The following VSTM2A variants were observed in gnomAD, a reference collection of about 807,000 sequenced individuals.
The protein encoded by VSTM2A is V-set and transmembrane domain containing 2A.
A neutral mutation model predicts 27.3 loss-of-function variants in VSTM2A; 13 were observed. That is an observed-to-expected ratio of 0.48 (90% CI 0.31 to 0.76). The LOEUF is 0.76. Among genes scored for constraint, VSTM2A ranks in the 30% least tolerant of loss-of-function variants. VSTM2A has a pLI of 0.05. For synonymous variants in VSTM2A, 142 were observed against 125.7 expected, an observed-to-expected ratio of 1.13 and a Z score of -0.87; for missense variants, 280 against 310.0, an observed-to-expected ratio of 0.90 and a Z score of 0.73.
rs142627051 is a variant in VSTM2A, at chr7:54,548,270, A to G, written c.297+1273A>G. Among the ~76,000 whole-genome samples, 462 of 152,300 alleles carry G rather than the reference A, an allele frequency of 3.0e-3. 4 individuals carry two copies. Among genetic ancestry groups the G allele is most frequent in the African/African-American group, 0.011 (450 of 41,568 alleles). ...AACATGATTACACACACAACTGTTGATAGTATTACCTATGCCAATAATGCA... is the reference window on the plus strand; with the variant it reads ...AACATGATTACACACACAACTGTTGGTAGTATTACCTATGCCAATAATGCA... On this transcript the variant is annotated intron_variant, in intron 3 of 4. Transcript: ENST00000402613.
rs1788877392 is a variant in VSTM2A, at chr7:54,571,038, G to GA, written c.*1824dup. Reference sequence around the variant, plus strand: ...TTGGTTTATCATTTCAGTTTAATGAGAAAAATTAATAAAGGTTTTGATTGC... The same window carrying GA: ...TTGGTTTATCATTTCAGTTTAATGAGAAAAAATTAATAAAGGTTTTGATTGC... On this transcript the variant is annotated 3_prime_UTR_variant, in exon 5 of 5. Coordinates refer to ENST00000402613, the MANE Select transcript of VSTM2A (RefSeq NM_001301009.2). The GA allele has an allele frequency of 1.3e-5, 2 of 152,044 alleles. No homozygotes were observed. The highest frequency in any genetic ancestry group is 2.9e-5 in the Non-Finnish European group (2 of 68,004). The allele number at this position is 152,044 out of a possible 1,614,324, so 9.4% of individuals were successfully genotyped here.
At chr7:54,559,911 A>G (rs1788497632) in intron 4 of VSTM2A, 1 of 152,174 alleles carries the variant, frequency 6.6e-6, no homozygotes, top group Admixed American at 6.5e-5. Context: ...AGAACTTTAA[A>G]TCAGTCTGAG....
At position 54,550,144 on chromosome 7, in the gene VSTM2A, A is replaced by G. The variant is rs1281085628; in HGVS notation, c.608A>G (p.Lys203Arg). Residue 203 changes from lysine (K) to arginine (R), a missense_variant, in exon 4 of 5, where the codon AAA (lysine) becomes AGA (arginine). Physicochemically the swap from Lys to Arg is conservative, Grantham distance 26. Transcript: ENST00000402613. ...ACCTCCAGCCCTCAAGTGGTAGCCA[A>G]AATCCCCAAACAAAGTCCACAATCA... ...HSTSSPQVVA[K>R]IPKQSPQSAK... The G allele has an allele frequency of 1.2e-6, 2 of 1,602,342 alleles. No homozygotes were observed. Among genetic ancestry groups the G allele is most frequent in the South Asian group, 1.1e-5 (1 of 88,698 alleles).
intron 4 of VSTM2A, chr7:54,552,574 T>G (rs1037346199): frequency 4.6e-5 from 7 of 152,190 alleles, no homozygotes; most frequent in African/African-American, 1.7e-4. Context: ...CTTCCATCCC[T>G]CCTAGGAACT....
intron 4 of VSTM2A, chr7:54,558,154 T>C (rs1788433265): frequency 6.6e-6 from 1 of 152,192 alleles, no homozygotes; most frequent in African/African-American, 2.4e-5. Context: ...ATTATACAAA[T>C]TGGTGTTCAT....
chr7:54,543,015 C>T (rs1787835384), intron 1 of VSTM2A, among the ~76,000 whole-genome samples: 1 of 152,008 alleles, frequency 6.6e-6, no homozygotes, highest in Non-Finnish European at 1.5e-5. Flanking sequence ...TAGCTGGTGC[C>T]TGACAATGAG....
intron 1 of VSTM2A, among the ~76,000 whole-genome samples, chr7:54,544,416 A>G (rs1272408801): frequency 2.6e-5 from 4 of 152,336 alleles, no homozygotes; most frequent in African/African-American, 9.6e-5. Context: ...GGATTTGATC[A>G]ACAACATAGT....
chr7:54,542,382 G>C lies in VSTM2A; in HGVS notation c.-349G>C, dbSNP rs902900520. The stretch of plus-strand genomic sequence containing the variant: ...CCCGCTTGCCCACTCCCCACTTCCC[G>C]AGCCGGCTCCGTGTTTAGGGAGGGC... On this transcript the variant is annotated 5_prime_UTR_variant, in exon 1 of 5. Coordinates refer to ENST00000402613, the MANE Select transcript of VSTM2A (RefSeq NM_001301009.2). 1 of 335,846 alleles carries C rather than the reference G, an allele frequency of 3.0e-6. No individual in the cohort carries two copies. The highest frequency in any genetic ancestry group is 5.4e-6 in the Non-Finnish European group (1 of 184,204). The allele number at this position is 335,846 out of a possible 1,614,324, so 20.8% of individuals were successfully genotyped here. A position where few individuals can be genotyped will look rare whatever the true frequency, so the allele number is the denominator to read the frequency against.
At chr7:54,568,898 G>T in intron 4 of VSTM2A, 1 of 1,213,584 alleles carries the variant, frequency 8.2e-7, no homozygotes. Flanking sequence ...ATGAGCACCA[G>T]AGCCAAGCTG....
chr7:54,542,921 CT>C, intron 1 of VSTM2A, 112 bp downstream of exon 1: 2 of 988,534 alleles, frequency 2.0e-6, no homozygotes, highest in East Asian at 2.4e-5. Flanking sequence ...TAACAGTGGG[CT>C]TAGGCTGTAT....
intron 4 of VSTM2A, among the ~76,000 whole-genome samples, chr7:54,562,799 C>T (rs1395151081): frequency 2.0e-5 from 3 of 152,172 alleles, no homozygotes; most frequent in Non-Finnish European, 4.4e-5. Flanking sequence ...ATCAGGGCAA[C>T]AAAACCACAT....
Position 54,550,099 on chromosome 7 carries a change from C to T in VSTM2A, c.563C>T (p.Ala188Val), listed in dbSNP as rs1164971887. 6.2e-7 allele frequency: 1 copy of T among 1,608,084 alleles called. No homozygotes were observed. The highest frequency in any genetic ancestry group is 8.5e-7 in the Non-Finnish European group (1 of 1,177,264). Residue 188 changes from alanine (A) to valine (V), a missense_variant, in exon 4 of 5, where the codon GCC (alanine) becomes GTC (valine). Transcript: ENST00000402613. ...AAIPSSIHGSANQRTHSTSSP... is the reference protein window; with the variant it reads ...AAIPSSIHGSVNQRTHSTSSP... ...ATCCCCAGCAGCATCCATGGCTCTG[C>T]CAACCAACGAACGCACTCCACCTCC...
Position 54,549,818 on chromosome 7 carries a change from A to G in VSTM2A, c.298-16A>G, listed in dbSNP as rs572306488. 1 of 1,556,328 alleles carries G rather than the reference A, an allele frequency of 6.4e-7. No homozygotes were observed. The highest frequency in any genetic ancestry group is 1.4e-5 in the African/African-American group (1 of 72,500). ...GATGTAGCACTTTATTGTTTTTTTT[A>G]CCTGCAATTTTTCAGACAGTGAAAG... On this transcript the variant is annotated splice_polypyrimidine_tract_variant and intron_variant, in intron 3 of 4. Transcript: ENST00000402613.
rs116880765 is a variant in VSTM2A at position 54,566,675 on chromosome 7, C to T, written c.635-2456C>T. 5.1e-3 allele frequency among the ~76,000 whole-genome samples: 781 copies of T among 152,276 alleles called. 4 individuals are homozygous for T. The highest frequency in any genetic ancestry group is 0.01 in the Middle Eastern group (3 of 294). ...CTATCACAATGCAATACCTGGCATA[C>T]TAATATGACAAGAATAAAACAATTC... On this transcript the variant is annotated intron_variant, in intron 4 of 4. Coordinates refer to ENST00000402613, the MANE Select transcript of VSTM2A (RefSeq NM_001301009.2).
In VSTM2A at chr7:54,547,131, A is replaced by G. The variant is rs181706191; in HGVS notation, c.297+134A>G. ...GTGCCCCTTGCTTGCCTCATTAGAT[A>G]CATACAAATGGAAGCACATTTAGAG... On this transcript the variant is annotated intron_variant, in intron 3 of 4. Transcript: ENST00000402613. 1.0e-3 allele frequency: 938 copies of G among 916,476 alleles called. 5 individuals are homozygous for G. Among genetic ancestry groups the G allele is most frequent in the East Asian group, 2.4e-3 (80 of 33,462 alleles). 56.8% of individuals were successfully genotyped at this position (916,476 alleles called of 1,614,324 possible). A position where few individuals can be genotyped will look rare whatever the true frequency, so the allele number is the denominator to read the frequency against.
At chr7:54,552,850 T>A (rs954724035) in intron 4 of VSTM2A, among the ~76,000 whole-genome samples, 3 of 152,246 alleles carry the variant, frequency 2.0e-5, no homozygotes, top group Non-Finnish European at 4.4e-5. Context: ...TGGGACACTG[T>A]CATCTCTGTC....
intron 3 of VSTM2A, among the ~76,000 whole-genome samples, chr7:54,549,126 A>G (rs1788099295): frequency 6.6e-6 from 1 of 152,012 alleles, no homozygotes; most frequent in East Asian, 1.9e-4. Flanking sequence ...AGCCAATTTC[A>G]ATTTTGAAAA....
intron 4 of VSTM2A, chr7:54,550,462 T>C: frequency 3.1e-6 from 2 of 653,186 alleles, no homozygotes; most frequent in Non-Finnish European, 4.6e-6. Context: ...CAATAAATCA[T>C]GTAATGTTGG....
At chr7:54,564,196 ATTTCC>A (rs1788651911) in intron 4 of VSTM2A, among the ~76,000 whole-genome samples, 2 of 152,158 alleles carry the variant, frequency 1.3e-5, no homozygotes, top group South Asian at 4.1e-4. Flanking sequence ...CTATTGGAGG[ATTTCC>A]ATTTTTAGGT....
Sources: allele counts gnomAD v4.1 joint callset (sites outside exome capture counted in the v4.1 genomes callset), GRCh38; gene constraint gnomAD v4.1.1; transcripts MANE v1.5; gene names NCBI Gene and HGNC (gene_info 2026-07-23, HGNC 2026-07-21).